ZNF536: variants seen among roughly 807,000 people sequenced by gnomAD.
The protein encoded by ZNF536 is zinc finger protein 536.
Under a neutral mutation model 84.5 loss-of-function variants are expected in ZNF536, and 13 were observed. That is an observed-to-expected ratio of 0.15 (90% confidence interval 0.10 to 0.24). The LOEUF (loss-of-function observed/expected upper bound fraction) is 0.24. Ranked by LOEUF, ZNF536 falls within the 10% of genes least tolerant of loss-of-function variation. ZNF536 has a pLI of 1.00. For missense variants in ZNF536, 1,536 were observed against 1,747.5 expected, an observed-to-expected ratio of 0.88 and a Z score of 2.16; for synonymous variants, 811 against 742.5, an observed-to-expected ratio of 1.09 and a Z score of -1.50.
chr19:30,607,918 A>G (rs2047956901), intron 1 of ZNF536, among the ~76,000 whole-genome samples: 1 of 152,114 alleles, frequency 6.6e-6, no homozygotes, highest in East Asian at 1.9e-4. Flanking sequence ...TATTGACTTT[A>G]GTCTCCAGTT....
chr19:30,490,015 A>T (rs556288970), intron 2 of ZNF536, among the ~76,000 whole-genome samples: 1 of 152,334 alleles, frequency 6.6e-6, no homozygotes, highest in South Asian at 2.1e-4. Context: ...CATGTGCTTC[A>T]AACCTACATG....
At chr19:30,476,262 C>T (rs2053842862) in intron 2 of ZNF536, among the ~76,000 whole-genome samples, 1 of 152,172 alleles carries the variant, frequency 6.6e-6, no homozygotes, top group South Asian at 2.1e-4. Flanking sequence ...TACTGAGCTA[C>T]ATGAAGACTT....
chr19:30,310,320 G>T (rs902629461), intron 2 of ZNF536, among the ~76,000 whole-genome samples: 1 of 152,190 alleles, frequency 6.6e-6, no homozygotes, highest in Non-Finnish European at 1.5e-5. Context: ...TTAAACAGGG[G>T]TTGTTTTTCT....
At chr19:30,574,093 G>C (rs1379082963) in intron 1 of ZNF536, among the ~76,000 whole-genome samples, 1 of 152,172 alleles carries the variant, frequency 6.6e-6, no homozygotes, top group Non-Finnish European at 1.5e-5. Context: ...GGAGGCAAAA[G>C]GTAGCCCACC....
intron 2 of ZNF536, among the ~76,000 whole-genome samples, chr19:30,314,271 G>A (rs569520357): frequency 4.9e-4 from 75 of 152,304 alleles, no homozygotes; most frequent in African/African-American, 1.6e-3. Flanking sequence ...ATGGAGTCTC[G>A]AGCGGGGCGG....
chr19:30,354,488 G>T (rs184770513), intron 3 of ZNF536, among the ~76,000 whole-genome samples: 2 of 152,076 alleles, frequency 1.3e-5, no homozygotes, highest in South Asian at 4.2e-4. Context: ...CCTCCTTGGC[G>T]TCCCAACGTA....
chr19:30,636,553 G>A (rs2049073019), intron 1 of ZNF536, among the ~76,000 whole-genome samples: 1 of 152,182 alleles, frequency 6.6e-6, no homozygotes, highest in Non-Finnish European at 1.5e-5. Flanking sequence ...TGGAAGCACA[G>A]AAAGTTATTC....
intron 1 of ZNF536, among the ~76,000 whole-genome samples, chr19:30,375,839 C>T (rs529742990): frequency 3.0e-4 from 45 of 152,230 alleles, no homozygotes; most frequent in Admixed American, 7.2e-4. Context: ...TGGGTGCTAT[C>T]TGCACTTGTA....
At chr19:30,248,601 G>T (rs938055466) in intron 1 of ZNF536, among the ~76,000 whole-genome samples, 1 of 152,036 alleles carries the variant, frequency 6.6e-6, no homozygotes, top group South Asian at 2.1e-4. Flanking sequence ...AGGTATAGCT[G>T]CAGTGAGCAT....
rs971731745 is a variant in ZNF536, at chr19:30,329,233, G to A, written c.-119-23135G>A. Among the ~76,000 whole-genome samples the A allele has an allele frequency of 3.3e-5, 5 of 152,312 alleles. 1 individual carries two copies. Among genetic ancestry groups the A allele is most frequent in the East Asian group, 1.9e-4 (1 of 5,178 alleles). On this transcript the variant is annotated intron_variant, in intron 2 of 5. Coordinates refer to the ZNF536 transcript ENST00000585628. ...ACAGAGCCTTTATTGAGACAGGTCC[G>A]AAAGGACTGGAGCAATCAGCTTACA...
intron 1 of ZNF536, among the ~76,000 whole-genome samples, chr19:30,573,240 GT>G (rs2046615379): frequency 6.6e-6 from 1 of 152,202 alleles, no homozygotes; most frequent in Admixed American, 6.5e-5. Context: ...ACTTGGGGCT[GT>G]TTTTCCCATT....
chr19:30,445,464 C>T lies in ZNF536; in HGVS notation c.1902C>T (p.Pro634=). The part of the protein sequence containing the change: ...GNMKEKPTEC[P]DCGRVFRTYH... ...TGAAGGAGAAGCCCACCGAGTGCCC[C>T]GACTGCGGCCGGGTGTTCCGCACTT... Residue 634 remains proline, a synonymous_variant, in exon 2 of 5, where the codon CCC becomes CCT. Transcript: ENST00000355537. The surrounding 1 kb of genome is among the most constrained non-coding windows in gnomAD (Gnocchi z 4.5). 3 of 1,614,090 alleles carry T rather than the reference C, an allele frequency of 1.9e-6. No individual in the cohort carries two copies. The highest frequency in any genetic ancestry group is 4.5e-5 in the East Asian group (2 of 44,848).
chr19:30,563,683 C>T (rs572367531), intron 1 of ZNF536, among the ~76,000 whole-genome samples: 6 of 152,172 alleles, frequency 3.9e-5, no homozygotes, highest in Non-Finnish European at 5.9e-5. Context: ...AGTTTTCTTT[C>T]GTGACAGTGG....
chr19:30,443,562 G>T lies in ZNF536; in HGVS notation c.-1G>T. On this transcript the variant is annotated splice_region_variant and 5_prime_UTR_variant, in exon 2 of 5. Transcript: ENST00000355537. ...TCTGAACTCTGCCTCTCTTTTCAGG[G>T]ATGGAAGAAGCGAGCCTGTGCCTTG... The T allele has an allele frequency of 6.5e-7, 1 of 1,532,188 alleles. No homozygotes were observed. 94.9% of individuals were successfully genotyped at this position (1,532,188 alleles called of 1,614,324 possible). A position where few individuals can be genotyped will look rare whatever the true frequency, so the allele number is the denominator to read the frequency against.
At chr19:30,359,861 C>T (rs978535283) in intron 3 of ZNF536, among the ~76,000 whole-genome samples, 7 of 152,188 alleles carry the variant, frequency 4.6e-5, no homozygotes, top group Non-Finnish European at 1.0e-4. Flanking sequence ...TGCAACTGGA[C>T]AGGGGCAGTT....
At chr19:30,363,058 CAA>C (rs34620914) in intron 3 of ZNF536, among the ~76,000 whole-genome samples, 1 of 141,888 alleles carries the variant, frequency 7.0e-6, no homozygotes. Flanking sequence ...GACTCCATCT[CAA>C]AAAAAAAAAA....
intron 1 of ZNF536, among the ~76,000 whole-genome samples, chr19:30,281,890 G>C (rs975647144): frequency 6.6e-6 from 1 of 152,152 alleles, no homozygotes; most frequent in Non-Finnish European, 1.5e-5. Flanking sequence ...TGGCCCCTCA[G>C]GTTGGGGTCC....
intron 1 of ZNF536, among the ~76,000 whole-genome samples, chr19:30,692,232 C>T (rs1295223462): frequency 1.3e-5 from 2 of 152,210 alleles, no homozygotes; most frequent in African/African-American, 2.4e-5. Flanking sequence ...TGAAACCAAA[C>T]GGGTGCCTGC....
intron 1 of ZNF536, among the ~76,000 whole-genome samples, chr19:30,618,191 T>C (rs1019533217): frequency 6.6e-6 from 1 of 152,250 alleles, no homozygotes; most frequent in Non-Finnish European, 1.5e-5. Flanking sequence ...CTTTAGTGTA[T>C]AATGCCCCAC....
Sources: allele counts gnomAD v4.1 joint callset (sites outside exome capture counted in the v4.1 genomes callset), GRCh38; gene constraint gnomAD v4.1.1; non-coding constraint Gnocchi (gnomAD v3.1); transcripts MANE v1.5; gene names NCBI Gene and HGNC (gene_info 2026-07-23, HGNC 2026-07-21).